HORMAD1: variants seen among roughly 807,000 people sequenced by gnomAD.
HORMAD1 encodes HORMA domain containing 1, also known as HORMA domain-containing protein 1.
Under a neutral mutation model 58.2 loss-of-function variants are expected in HORMAD1, and 33 were observed. That is an observed-to-expected ratio of 0.57 (90% confidence interval 0.43 to 0.76). HORMAD1 has a LOEUF of 0.76. HORMAD1 is among the 30% of genes least tolerant of loss of function. HORMAD1 has a pLI of 0.00. For synonymous variants in HORMAD1, 137 were observed against 144.6 expected, an observed-to-expected ratio of 0.95 and a Z score of 0.38; for missense variants, 363 against 462.0, an observed-to-expected ratio of 0.79 and a Z score of 1.96.
At chr1:150,707,553 G>A (rs953365321) in intron 9 of HORMAD1, among the ~76,000 whole-genome samples, 10 of 152,114 alleles carry the variant, frequency 6.6e-5, no homozygotes, top group African/African-American at 2.4e-4. Context: ...AGAATTTCTG[G>A]ATTAAAGATA....
intron 2 of HORMAD1, among the ~76,000 whole-genome samples, chr1:150,717,790 C>T (rs587676430): frequency 1.2e-4 from 18 of 152,000 alleles, no homozygotes; most frequent in South Asian, 2.1e-4. Context: ...ATTAGCTGGG[C>T]GTGGTGGCAG....
chr1:150,703,391 A>T lies in HORMAD1; in HGVS notation c.951T>A (p.Val317=), dbSNP rs1021314634. 2.0e-6 allele frequency: 3 copies of T among 1,525,470 alleles called. No individual in the cohort carries two copies. The highest frequency in any genetic ancestry group is 2.7e-6 in the Non-Finnish European group (3 of 1,115,522). The allele number at this position is 1,525,470 out of a possible 1,614,324, so 94.5% of individuals were successfully genotyped here. ...SPDLSISHSQ[V]EQLVNKTSEL... ...CAGATGTTTTATTGACTAACTGCTC[A>T]ACCTAAAAAAGAAAATAATTACAAA... The change falls in exon 13 of 15, where the codon GTT becomes GTA. Residue 317 remains valine (V), a splice_region_variant and synonymous_variant. Transcript: ENST00000361824.
intron 3 of HORMAD1, among the ~76,000 whole-genome samples, chr1:150,714,947 C>A (rs1170667398): frequency 6.6e-6 from 1 of 151,854 alleles, no homozygotes; most frequent in Non-Finnish European, 1.5e-5. Context: ...CCATGACCGG[C>A]TAATTTTTGT....
At chr1:150,716,906 T>C (rs901711665) in intron 3 of HORMAD1, among the ~76,000 whole-genome samples, 3 of 136,756 alleles carry the variant, frequency 2.2e-5, no homozygotes, top group Non-Finnish European at 3.0e-5. Flanking sequence ...GAGCTTGCAG[T>C]GAGCGGAGAT....
rs192629375 is a variant in HORMAD1 at position 150,719,339 on chromosome 1, C to A, written c.33+134G>T. ...AATACTTCAGCAAATATCTTCATTT[C>A]TTAAAACATGCAGTTTCCTGGTATC... On this transcript the variant is annotated intron_variant, in intron 2 of 14. Coordinates refer to ENST00000361824, the MANE Select transcript of HORMAD1 (RefSeq NM_032132.5). 6.4e-6 allele frequency: 4 copies of A among 623,288 alleles called. No homozygotes were observed. In the East Asian group the frequency reaches 1.2e-4, roughly 19 times the overall value. 38.6% of individuals were successfully genotyped at this position (623,288 alleles called of 1,614,324 possible). A position where few individuals can be genotyped will look rare whatever the true frequency, so the allele number is the denominator to read the frequency against.
At position 150,700,129 on chromosome 1, in the gene HORMAD1, G is replaced by A. The variant is rs1272000388; in HGVS notation, c.1087C>T (p.His363Tyr). Residue 363 changes from histidine to tyrosine, a missense_variant, in exon 14 of 15, where the codon CAT becomes TAT. By Grantham distance (83) the His-to-Tyr change is moderately conservative (BLOSUM62 2). Coordinates refer to ENST00000361824, the MANE Select transcript of HORMAD1 (RefSeq NM_032132.5). ...AGACTTACTATTCTCCCAGATTCAT[G>A]TTGACTTCTCTTCCGATTTTCTTTG... is the stretch of plus-strand genomic sequence containing the variant. ...SSKENRKRSQHESGRIVLHHF... is the reference protein window; with the variant it reads ...SSKENRKRSQYESGRIVLHHF... 1.9e-6 allele frequency: 3 copies of A among 1,555,300 alleles called. No homozygotes were observed. The highest frequency in any genetic ancestry group is 2.7e-6 in the Non-Finnish European group (3 of 1,127,318).
At position 150,708,284 on chromosome 1, in the gene HORMAD1, C is replaced by A; in HGVS notation, c.519G>T (p.Leu173Phe). 1 of 1,602,772 alleles carries A rather than the reference C, an allele frequency of 6.2e-7. No homozygotes were observed. The highest frequency in any genetic ancestry group is 8.5e-7 in the Non-Finnish European group (1 of 1,175,110). ...NLGPLPNDVC[L>F]TMKLFYYDEV... ...CATCATAGTAAAAAAGTTTCATGGT[C>A]AAACAAACATCATTAGGTAAAGGCC... The change falls in exon 9 of 15, where the codon TTG (leucine) becomes TTT (phenylalanine). Residue 173 changes from leucine to phenylalanine, a missense_variant. Around this residue, in one of 3 missense-constraint regions of HORMAD1, gnomAD observed 226 missense variants for 257.8 expected, o/e 0.88. Transcript: ENST00000361824.
intron 1 of HORMAD1, among the ~76,000 whole-genome samples, 188 bp from the exon 2 acceptor site, chr1:150,719,726 G>A (rs1308659778): frequency 6.6e-6 from 1 of 152,172 alleles, no homozygotes; most frequent in Non-Finnish European, 1.5e-5. Context: ...CTGATTTGAA[G>A]CCATTTGACT....
intron 2 of HORMAD1, among the ~76,000 whole-genome samples, chr1:150,717,853 A>G (rs1652133395): frequency 6.6e-6 from 1 of 152,122 alleles, no homozygotes; most frequent in South Asian, 2.1e-4. Context: ...AGGCTGAGGC[A>G]GGGAATTGCT....
In HORMAD1 at chr1:150,708,954, G is replaced by C. The variant is rs770468135; in HGVS notation, c.335C>G (p.Ser112Ter). The part of the protein sequence containing the change: ...YTNPEDPQTI[S>*]ECYQFKFKYT... ...TTTGAATTTGAATTGGTAACATTCT[G>C]AAATTGTCTTAAATAGAAAATATCG... The change falls in exon 8 of 15, where the codon TCA becomes TGA. Residue 112 changes from serine (S) to a stop codon, truncating the protein, a stop_gained. Transcript: ENST00000361824. LOFTEE classifies it high-confidence loss of function. 1 of 1,447,290 alleles carries C rather than the reference G, an allele frequency of 6.9e-7. No homozygotes were observed. Among genetic ancestry groups the C allele is most frequent in the Non-Finnish European group, 9.7e-7 (1 of 1,028,444 alleles). The allele number at this position is 1,447,290 out of a possible 1,614,324, so 89.7% of individuals were successfully genotyped here.
At chr1:150,709,583 A>G (rs1175169883) in intron 7 of HORMAD1, among the ~76,000 whole-genome samples, 1 of 152,094 alleles carries the variant, frequency 6.6e-6, no homozygotes, top group Non-Finnish European at 1.5e-5. Flanking sequence ...ATAGTCTGAA[A>G]TATGGCCTTG....
chr1:150,705,110 G>C (rs1002242788), intron 10 of HORMAD1, among the ~76,000 whole-genome samples: 2 of 152,070 alleles, frequency 1.3e-5, no homozygotes, highest in Admixed American at 6.6e-5. Context: ...ACTACCTCAT[G>C]GTTGCTAGAA....
rs759850593 is a variant in HORMAD1, at chr1:150,708,801, G to A, written c.395+93C>T. On this transcript the variant is annotated intron_variant, in intron 8 of 14. Coordinates refer to ENST00000361824, the MANE Select transcript of HORMAD1 (RefSeq NM_032132.5). Reference sequence around the variant, plus strand: ...TTGATGGTTAATTGGGGATGTCCCCGCAGTTTCAGAATGAATCCTGAGGTT... The same window carrying A: ...TTGATGGTTAATTGGGGATGTCCCCACAGTTTCAGAATGAATCCTGAGGTT... 55 of 680,416 alleles carry A rather than the reference G, an allele frequency of 8.1e-5. No individual in the cohort carries two copies. The East Asian group carries it at 8.9e-4, about 11-fold the overall frequency. The allele number at this position is 680,416 out of a possible 1,614,324, so 42.1% of individuals were successfully genotyped here.
intron 1 of HORMAD1, 107 bp downstream of exon 1, chr1:150,720,697 C>T (rs1652224496): frequency 6.6e-6 from 1 of 152,182 alleles, no homozygotes; most frequent in Admixed American, 6.5e-5. Context: ...TGTTTTACCA[C>T]TAAGACCTTA....
intron 10 of HORMAD1, among the ~76,000 whole-genome samples, chr1:150,705,841 C>T (rs763331141): frequency 1.3e-5 from 2 of 151,976 alleles, no homozygotes; most frequent in South Asian, 2.1e-4. Flanking sequence ...AATCTCTGTA[C>T]ATAAGTACTG....
chr1:150,704,304 T>C lies in HORMAD1; in HGVS notation c.844A>G (p.Lys282Glu). 6.3e-7 allele frequency: 1 copy of C among 1,592,140 alleles called. No homozygotes were observed. Among genetic ancestry groups the C allele is most frequent in the Non-Finnish European group, 8.5e-7 (1 of 1,171,156 alleles). ...DIETKMEEQE[K>E]NPASSELEEP... is the part of the protein sequence containing the mutation. The stretch of plus-strand genomic sequence containing the variant: ...TCAAGTTCAGAAGATGCAGGGTTTT[T>C]TTCCTGTTCTTCCATTTTAGTTTCA... Residue 282 changes from lysine to glutamate, a missense_variant, in exon 11 of 15, where the codon AAA becomes GAA. Around this residue, in one of 3 missense-constraint regions of HORMAD1, gnomAD observed 226 missense variants for 257.8 expected, o/e 0.88. Transcript: ENST00000361824.
At chr1:150,705,763 A>G (rs1651672714) in intron 10 of HORMAD1, among the ~76,000 whole-genome samples, 1 of 152,224 alleles carries the variant, frequency 6.6e-6, no homozygotes, top group Non-Finnish European at 1.5e-5. Context: ...TCTTTAACTG[A>G]ATTGGTTGAA....
intron 3 of HORMAD1, among the ~76,000 whole-genome samples, chr1:150,715,693 T>G (rs1210583305): frequency 6.6e-6 from 1 of 151,920 alleles, no homozygotes; most frequent in East Asian, 1.9e-4. Flanking sequence ...CCTCCCAAAG[T>G]GCTGGGATTA....
chr1:150,702,344 C>T (rs1479874138), intron 13 of HORMAD1, among the ~76,000 whole-genome samples: 3 of 152,122 alleles, frequency 2.0e-5, no homozygotes, highest in Non-Finnish European at 2.9e-5. Flanking sequence ...TTAGTTCAAC[C>T]ATTGTGGAAG....
Sources: allele counts gnomAD v4.1 joint callset (sites outside exome capture counted in the v4.1 genomes callset), GRCh38; gene constraint gnomAD v4.1.1; regional missense constraint gnomAD v4.1.1; transcripts MANE v1.5; gene names NCBI Gene and HGNC (gene_info 2026-07-23, HGNC 2026-07-21).